CSMD1: variants seen among roughly 807,000 people sequenced by gnomAD.
CSMD1 encodes CUB and Sushi multiple domains 1.
A neutral mutation model predicts 417.5 loss-of-function variants in CSMD1; 213 were observed. That is an observed-to-expected ratio of 0.51 (90% CI 0.46 to 0.57). The LOEUF (loss-of-function observed/expected upper bound fraction) is 0.57, where lower values mean the gene tolerates loss of function less well. Ranked by LOEUF, CSMD1 falls within the 20% of genes least tolerant of loss-of-function variation. The probability of loss-of-function intolerance (pLI) is 0.00; values close to 1 mark genes in which losing one functional copy is unlikely to be tolerated. For missense variants in CSMD1, 6,923 were observed against 4,529.7 expected, an observed-to-expected ratio of 1.53 and a Z score of -15.17; for synonymous variants, 2,862 against 1,736.8, an observed-to-expected ratio of 1.65 and a Z score of -16.11.
At chr8:3,821,901 C>T (rs1470668674) in intron 5 of CSMD1, among the ~76,000 whole-genome samples, 1 of 152,202 alleles carries the variant, frequency 6.6e-6, no homozygotes, top group Non-Finnish European at 1.5e-5. Context: ...AACTGTGCTT[C>T]CAGAAGCTGG....
At chr8:4,852,078 C>T (rs572843585) in intron 1 of CSMD1, among the ~76,000 whole-genome samples, 29 of 152,176 alleles carry the variant, frequency 1.9e-4, no homozygotes, top group Non-Finnish European at 4.0e-4. Context: ...ACATCAGATT[C>T]CCTCTCTCTT....
chr8:4,362,355 TGCCCCCTGCACTCATAG>T (rs1801818645), intron 3 of CSMD1, among the ~76,000 whole-genome samples: 4 of 152,098 alleles, frequency 2.6e-5, no homozygotes, highest in African/African-American at 9.7e-5. Flanking sequence ...CTCATCTGTC[TGCCCCCTGCACTCATAG>T]TGGTCCAGCA....
intron 37 of CSMD1, among the ~76,000 whole-genome samples, chr8:3,177,168 G>C (rs1186626517): frequency 1.3e-5 from 2 of 152,164 alleles, no homozygotes; most frequent in African/African-American, 4.8e-5. Flanking sequence ...AAGGCGACCA[G>C]AAAAGAATCA....
intron 3 of CSMD1, among the ~76,000 whole-genome samples, chr8:4,309,740 C>T (rs1798453218): frequency 6.6e-6 from 1 of 152,082 alleles, no homozygotes; most frequent in African/African-American, 2.4e-5. Flanking sequence ...AATAACCTAT[C>T]ACAGTCTATT....
rs778164827 is a variant in CSMD1, at chr8:3,118,421, G to C, written c.6408C>G (p.Asn2136Lys). ...TCQHGINRNW[N>K]YPFPRCDAPC... ...TACCATCACATCTTGGAAAAGGGTA[G>C]TTCCAGTTTCTGTTGATCCCATGCT... The change falls in exon 42 of 70, where the codon AAC becomes AAG. Residue 2136 changes from asparagine to lysine, a missense_variant. By Grantham distance (94) the Asn-to-Lys change is moderately conservative. Transcript: ENST00000635120. 7 of 1,613,328 alleles carry C rather than the reference G, an allele frequency of 4.3e-6. No homozygotes were observed. Among genetic ancestry groups the C allele is most frequent in the Non-Finnish European group, 5.1e-6 (6 of 1,179,636 alleles).
chr8:3,898,801 C>T (rs1023243246), intron 5 of CSMD1, among the ~76,000 whole-genome samples: 2 of 152,108 alleles, frequency 1.3e-5, no homozygotes, highest in African/African-American at 4.8e-5. Context: ...TAACATCTTC[C>T]CTAAATTTAA....
chr8:4,945,266 G>C (rs904684525), intron 1 of CSMD1, among the ~76,000 whole-genome samples: 1 of 152,270 alleles, frequency 6.6e-6, no homozygotes, highest in African/African-American at 2.4e-5. Context: ...GGGAGTTACT[G>C]TTGAATGGGA....
intron 2 of CSMD1, among the ~76,000 whole-genome samples, chr8:4,461,066 C>G (rs1049121077): frequency 6.6e-6 from 1 of 152,058 alleles, no homozygotes; most frequent in Non-Finnish European, 1.5e-5. Flanking sequence ...TATACTGTGT[C>G]CAAGTGCTAT....
At chr8:4,208,824 A>T (rs993255578) in intron 3 of CSMD1, among the ~76,000 whole-genome samples, 32 of 152,202 alleles carry the variant, frequency 2.1e-4, no homozygotes, top group African/African-American at 7.7e-4. Flanking sequence ...ACAGTTGTTT[A>T]ATATCTGGTT....
intron 10 of CSMD1, among the ~76,000 whole-genome samples, chr8:3,503,365 A>C (rs1052272509): frequency 6.6e-6 from 1 of 152,250 alleles, no homozygotes; most frequent in Non-Finnish European, 1.5e-5. Flanking sequence ...TAACTATATG[A>C]CTATTAGCCT....
At chr8:3,106,780 G>T in intron 45 of CSMD1, 139 bp from the exon 46 acceptor site, 1 of 520,308 alleles carries the variant, frequency 1.9e-6, no homozygotes, top group Non-Finnish European at 3.5e-6. Context: ...TTTATTTTTA[G>T]TCTTTTAAAA....
chr8:4,040,835 C>T (rs1024133038), intron 3 of CSMD1, among the ~76,000 whole-genome samples: 1 of 151,950 alleles, frequency 6.6e-6, no homozygotes, highest in African/African-American at 2.4e-5. Context: ...TTTAGCAGCT[C>T]CGGACAATCG....
chr8:3,253,315 C>T (rs191303363), intron 26 of CSMD1, among the ~76,000 whole-genome samples: 17 of 152,276 alleles, frequency 1.1e-4, no homozygotes, highest in Admixed American at 7.8e-4. Context: ...GCAGGTCGTT[C>T]AGTTTCCATG....
rs201307211 is a variant in CSMD1 at position 4,374,077 on chromosome 8, G to C, written c.415+45876C>G. On this transcript the variant is annotated intron_variant, in intron 3 of 69. Transcript: ENST00000635120. ...CTTAAATAATATAATCAATAATGAA[G>C]TGTATCATATGTGACCGAAGCATGG... Among the ~76,000 whole-genome samples, 14 of 152,194 alleles carry C rather than the reference G, an allele frequency of 9.2e-5. No homozygotes were observed. In the East Asian group the frequency reaches 2.7e-3, roughly 29 times the overall value.
intron 4 of CSMD1, among the ~76,000 whole-genome samples, chr8:4,022,530 C>G (rs1055539602): frequency 6.6e-6 from 1 of 152,150 alleles, no homozygotes; most frequent in Non-Finnish European, 1.5e-5. Context: ...TGAGGTGAAA[C>G]TGAGGCACAA....
At chr8:3,690,732 T>C (rs1353684913) in intron 7 of CSMD1, among the ~76,000 whole-genome samples, 1 of 152,202 alleles carries the variant, frequency 6.6e-6, no homozygotes, top group African/African-American at 2.4e-5. Flanking sequence ...CCACAGTTTG[T>C]ACTGAGATAC....
Position 4,312,350 on chromosome 8 carries a change from A to G in CSMD1, c.415+107603T>C, listed in dbSNP as rs142988490. Among the ~76,000 whole-genome samples, 245 of 146,846 alleles carry G rather than the reference A, an allele frequency of 1.7e-3. 2 individuals are homozygous for G. Among genetic ancestry groups the G allele is most frequent in the African/African-American group, 6.2e-3 (236 of 37,906 alleles). On this transcript the variant is annotated intron_variant, in intron 3 of 69. Transcript: ENST00000635120. ...TTTTAAAAGCAATTTAAACTCCAAA[A>G]TAAGCTAATTACTTTTAATGGAACA...
intron 12 of CSMD1, among the ~76,000 whole-genome samples, chr8:3,464,859 C>T (rs983252879): frequency 3.3e-5 from 5 of 151,996 alleles, no homozygotes; most frequent in African/African-American, 1.2e-4. Flanking sequence ...TACCTCTCTC[C>T]CATTACTTTC....
At chr8:4,597,654 T>C (rs941455950) in intron 2 of CSMD1, among the ~76,000 whole-genome samples, 1 of 152,190 alleles carries the variant, frequency 6.6e-6, no homozygotes, top group Admixed American at 6.5e-5. Context: ...TAGCATACTA[T>C]AACACAATCA....
Sources: gnomAD v4.1 joint callset for allele counts (sites outside exome capture counted in the v4.1 genomes callset) on GRCh38, gnomAD v4.1.1 for gene constraint, MANE v1.5 for transcripts, NCBI Gene and HGNC (gene_info 2026-07-23, HGNC 2026-07-21) for gene names.